Variants in NAALADL2 observed in about 807,000 individuals in gnomAD.
NAALADL2 encodes N-acetylated alpha-linked acidic dipeptidase like 2.
NAALADL2 carries 76 observed loss-of-function variants against 87.2 expected under a neutral mutation model. The ratio of observed to expected loss-of-function variants is 0.87; its 90% CI spans 0.72 to 1.05. The LOEUF is 1.05. NAALADL2 is among the 50% of genes least tolerant of loss of function. The pLI is 0.00. For synonymous variants in NAALADL2, 354 were observed against 331.0 expected, an observed-to-expected ratio of 1.07 and a Z score of -0.75; for missense variants, 1,089 against 945.8, an observed-to-expected ratio of 1.15 and a Z score of -1.99.
At chr3:174,705,700 G>A (rs1045821690) in intron 2 of NAALADL2, among the ~76,000 whole-genome samples, 10 of 150,692 alleles carry the variant, frequency 6.6e-5, no homozygotes, top group Middle Eastern at 3.5e-3. Context: ...GGAGAATGGC[G>A]TGAACCCGGG....
At chr3:175,690,082 A>G (rs889547223) in intron 11 of NAALADL2, among the ~76,000 whole-genome samples, 30 of 152,090 alleles carry the variant, frequency 2.0e-4, no homozygotes, top group Admixed American at 1.0e-3. Flanking sequence ...GAGTATAGAT[A>G]TATTGACTAT....
chr3:174,889,477 A>G (rs752346600), intron 1 of NAALADL2, among the ~76,000 whole-genome samples: 9 of 152,022 alleles, frequency 5.9e-5, no homozygotes, highest in Non-Finnish European at 1.3e-4. Context: ...GCTGGACGCC[A>G]TTGCTATTAT....
intron 10 of NAALADL2, among the ~76,000 whole-genome samples, chr3:175,579,800 T>G (rs544442234): frequency 5.9e-5 from 9 of 152,326 alleles, no homozygotes; most frequent in African/African-American, 1.9e-4. Flanking sequence ...ATTTCCTCTG[T>G]CACTTAACAG....
chr3:174,767,568 C>G (rs1349273852), intron 3 of NAALADL2, among the ~76,000 whole-genome samples: 1 of 152,038 alleles, frequency 6.6e-6, no homozygotes, highest in African/African-American at 2.4e-5. Context: ...TTATGACGCT[C>G]ACAGGAAGCT....
At chr3:174,814,814 G>C (rs1333390847) in intron 3 of NAALADL2, among the ~76,000 whole-genome samples, 1 of 152,098 alleles carries the variant, frequency 6.6e-6, no homozygotes, top group African/African-American at 2.4e-5. Flanking sequence ...ATTACTTAGA[G>C]GTATATTTCA....
chr3:175,484,936 T>A (rs1727035346), intron 9 of NAALADL2, among the ~76,000 whole-genome samples: 2 of 152,174 alleles, frequency 1.3e-5, no homozygotes, highest in South Asian at 4.1e-4. Flanking sequence ...TTAGTGGAAG[T>A]ATAGCTGCCA....
chr3:174,711,551 T>C (rs1730635641), intron 2 of NAALADL2, among the ~76,000 whole-genome samples: 1 of 152,196 alleles, frequency 6.6e-6, no homozygotes, highest in African/African-American at 2.4e-5. Flanking sequence ...TCTTTACTCA[T>C]TAAGGGTAAA....
At chr3:174,679,420 CTT>C (rs1487298349) in intron 2 of NAALADL2, among the ~76,000 whole-genome samples, 1 of 152,062 alleles carries the variant, frequency 6.6e-6, no homozygotes, top group Non-Finnish European at 1.5e-5. Flanking sequence ...ATTTTAATCT[CTT>C]TTTATGTACA....
intron 5 of NAALADL2, among the ~76,000 whole-genome samples, chr3:175,430,376 A>AT (rs1243969572): frequency 6.6e-6 from 1 of 151,988 alleles, no homozygotes; most frequent in Non-Finnish European, 1.5e-5. Flanking sequence ...AGCAATGAAG[A>AT]TTTAAAGATT....
intron 2 of NAALADL2, among the ~76,000 whole-genome samples, chr3:174,690,172 A>G (rs1578557691): frequency 1.3e-5 from 2 of 152,224 alleles, no homozygotes; most frequent in South Asian, 2.1e-4. Context: ...AAACAGATCA[A>G]TGTATCATTT....
chr3:175,551,270 T>A (rs1380440782), intron 9 of NAALADL2, among the ~76,000 whole-genome samples: 1 of 152,132 alleles, frequency 6.6e-6, no homozygotes, highest in African/African-American at 2.4e-5. Flanking sequence ...TCATTTTGAT[T>A]GTATCTAGAG....
intron 11 of NAALADL2, among the ~76,000 whole-genome samples, chr3:175,721,949 CAT>C (rs1212079956): frequency 6.6e-6 from 1 of 151,982 alleles, no homozygotes; most frequent in Non-Finnish European, 1.5e-5. Flanking sequence ...CTACCATTTG[CAT>C]ATTTTTTGTA....
intron 2 of NAALADL2, among the ~76,000 whole-genome samples, chr3:175,142,432 A>T (rs1207543034): frequency 6.6e-6 from 1 of 152,010 alleles, no homozygotes; most frequent in African/African-American, 2.4e-5. Context: ...TATTATCTTA[A>T]TCCTCTCAAC....
intron 1 of NAALADL2, among the ~76,000 whole-genome samples, chr3:174,443,766 GCT>G (rs1714842631): frequency 2.6e-5 from 4 of 151,870 alleles, no homozygotes; most frequent in Non-Finnish European, 5.9e-5. Context: ...CTGAAAAAGA[GCT>G]GCATTCCATG....
chr3:175,795,697 T>A (rs953635624), intron 13 of NAALADL2, among the ~76,000 whole-genome samples: 2 of 148,762 alleles, frequency 1.3e-5, no homozygotes, highest in Admixed American at 6.6e-5. Context: ...AATAAAAAAA[T>A]AAAATAAAAT....
chr3:174,799,982 A>AT (rs1718622720), intron 3 of NAALADL2, among the ~76,000 whole-genome samples: 2 of 150,482 alleles, frequency 1.3e-5, no homozygotes, highest in African/African-American at 2.4e-5. Flanking sequence ...TGAACTTCAG[A>AT]GAGATGATAT....
At position 174,907,383 on chromosome 3, in the gene NAALADL2, G is replaced by C. The variant is rs138526842; in HGVS notation, c.43+47933G>C. 3.5e-3 allele frequency among the ~76,000 whole-genome samples: 526 copies of C among 152,170 alleles called. 4 individuals are homozygous for C. The highest frequency in any genetic ancestry group is 0.012 in the African/African-American group (485 of 41,488). On this transcript the variant is annotated intron_variant, in intron 1 of 13. Transcript: ENST00000454872. ...TTGATTCCTTGATCATAAATTTACT[G>C]GGTGGTTGAAGATGCTAAGAAGTGT...
upstream of NAALADL2, among the ~76,000 whole-genome samples, chr3:174,858,556 AAC>A (rs1726107033): frequency 6.6e-6 from 1 of 152,008 alleles, no homozygotes; most frequent in Non-Finnish European, 1.5e-5. Context: ...GATTAGGTTG[AAC>A]AGTTTTTTTC....
intron 5 of NAALADL2, among the ~76,000 whole-genome samples, chr3:175,416,481 T>A (rs1005846862): frequency 1.3e-5 from 2 of 152,152 alleles, no homozygotes; most frequent in African/African-American, 2.4e-5. Context: ...AACAGTTTTG[T>A]TTTAGTAACT....
Sources: allele counts gnomAD v4.1 joint callset (sites outside exome capture counted in the v4.1 genomes callset), GRCh38; gene constraint gnomAD v4.1.1; transcripts MANE v1.5; gene names NCBI Gene and HGNC (gene_info 2026-07-23, HGNC 2026-07-21).